Variants in GPC6 observed in about 807,000 individuals in gnomAD.
The protein encoded by GPC6 is glypican-6.
A neutral mutation model predicts 55.2 loss-of-function variants in GPC6; 14 were observed. That is an observed-to-expected ratio of 0.25 (90% CI 0.17 to 0.40). The LOEUF (loss-of-function observed/expected upper bound fraction) is 0.40. Among genes scored for constraint, GPC6 ranks in the 10% least tolerant of loss-of-function variants. The probability of loss-of-function intolerance (pLI) is 1.00; values close to 1 mark genes in which losing one functional copy is unlikely to be tolerated. For synonymous variants in GPC6, 278 were observed against 259.6 expected (o/e 1.07, Z -0.68); for missense variants, 641 against 708.5 (o/e 0.90, Z 1.08).
intron 1 of GPC6, among the ~76,000 whole-genome samples, chr13:93,398,172 C>T (rs1875932996): frequency 6.6e-6 from 1 of 152,140 alleles, no homozygotes; most frequent in South Asian, 2.1e-4. Flanking sequence ...AGAAAGATAG[C>T]ATATTAATAG....
intron 6 of GPC6, among the ~76,000 whole-genome samples, chr13:94,337,648 A>T (rs537105930): frequency 6.6e-6 from 1 of 152,148 alleles, no homozygotes; most frequent in African/African-American, 2.4e-5. Flanking sequence ...GTGTTTCATC[A>T]TGTTGGCCAG....
chr13:93,279,930 A>C (rs1266856159), intron 1 of GPC6, among the ~76,000 whole-genome samples: 1 of 152,210 alleles, frequency 6.6e-6, no homozygotes. Flanking sequence ...TGTAAATTTC[A>C]CAATAATAAA....
chr13:93,789,611 A>AC (rs1179251753), intron 2 of GPC6, among the ~76,000 whole-genome samples: 20 of 13,418 alleles, frequency 1.5e-3, no homozygotes, highest in African/African-American at 5.4e-3. Flanking sequence ...ATATATATAT[A>AC]TATATATATA....
intron 1 of GPC6, among the ~76,000 whole-genome samples, chr13:93,525,576 C>T (rs1381932471): frequency 1.3e-5 from 2 of 152,034 alleles, no homozygotes; most frequent in Non-Finnish European, 2.9e-5. Flanking sequence ...ACAGGATAGA[C>T]TCTTCTGAGC....
At chr13:93,698,485 CTTTTTTTTTTT>C (rs57058820) in intron 2 of GPC6, among the ~76,000 whole-genome samples, 1 of 32,434 alleles carries the variant, frequency 3.1e-5, no homozygotes, top group East Asian at 1.5e-3. Flanking sequence ...CTGTGTGGGT[CTTTTTTTTTTT>C]TTTTTTTTTT....
intron 4 of GPC6, among the ~76,000 whole-genome samples, chr13:94,278,999 T>C (rs1892293247): frequency 6.6e-6 from 1 of 152,178 alleles, no homozygotes; most frequent in East Asian, 1.9e-4. Flanking sequence ...TGGGGTAGTT[T>C]CAGAAAGAAT....
chr13:93,526,445 G>A (rs1881650159), intron 1 of GPC6, among the ~76,000 whole-genome samples: 1 of 152,056 alleles, frequency 6.6e-6, no homozygotes, highest in Admixed American at 6.6e-5. Flanking sequence ...GGCAAACTTA[G>A]TAATCCAGAT....
At chr13:93,367,579 T>A (rs551600738) in intron 1 of GPC6, among the ~76,000 whole-genome samples, 4 of 152,066 alleles carry the variant, frequency 2.6e-5, no homozygotes, top group Admixed American at 1.3e-4. Context: ...TGCATTTCCT[T>A]TCGGCAGTGT....
intron 3 of GPC6, among the ~76,000 whole-genome samples, chr13:93,873,265 A>G (rs1465784409): frequency 1.3e-5 from 2 of 151,980 alleles, no homozygotes; most frequent in African/African-American, 4.8e-5. Flanking sequence ...TAATTTACAA[A>G]ATACTGACAG....
chr13:93,511,008 C>T (rs375505809), intron 1 of GPC6, among the ~76,000 whole-genome samples: 13 of 17,194 alleles, frequency 7.6e-4, no homozygotes, highest in Non-Finnish European at 1.2e-3. Context: ...TATATATATT[C>T]ATGTCCTTTG....
At chr13:94,171,274 C>T (rs534971841) in intron 4 of GPC6, among the ~76,000 whole-genome samples, 11 of 152,292 alleles carry the variant, frequency 7.2e-5, no homozygotes, top group Admixed American at 1.3e-4. Context: ...CCCTTACACG[C>T]AAGACCATTG....
At chr13:93,419,617 C>T (rs1876849071) in intron 1 of GPC6, among the ~76,000 whole-genome samples, 1 of 152,096 alleles carries the variant, frequency 6.6e-6, no homozygotes, top group Non-Finnish European at 1.5e-5. Context: ...ACCGATAATA[C>T]AGCATCTCCA....
At chr13:94,053,797 A>G (rs1217891265) in intron 4 of GPC6, among the ~76,000 whole-genome samples, 1 of 152,202 alleles carries the variant, frequency 6.6e-6, no homozygotes, top group Non-Finnish European at 1.5e-5. Context: ...TAGTTTCCTA[A>G]GAGTTAAATT....
intron 1 of GPC6, among the ~76,000 whole-genome samples, chr13:93,314,704 CAAG>C (rs987537301): frequency 5.5e-5 from 8 of 145,206 alleles, no homozygotes; most frequent in African/African-American, 2.1e-4. Flanking sequence ...AGATAGAAAA[CAAG>C]GAGGGGTGTG....
intron 1 of GPC6, among the ~76,000 whole-genome samples, chr13:93,306,374 C>T (rs919369990): frequency 6.6e-6 from 1 of 152,022 alleles, no homozygotes; most frequent in Non-Finnish European, 1.5e-5. Flanking sequence ...TGTCTGTCAG[C>T]CAGCATATAA....
chr13:94,105,111 G>A (rs978118220), intron 4 of GPC6, among the ~76,000 whole-genome samples: 4 of 152,098 alleles, frequency 2.6e-5, no homozygotes, highest in Admixed American at 2.6e-4. Context: ...TCCCAGTACT[G>A]TGGGAGGCCG....
At chr13:93,945,622 G>T (rs1878970041) in intron 3 of GPC6, among the ~76,000 whole-genome samples, 1 of 152,224 alleles carries the variant, frequency 6.6e-6, no homozygotes, top group South Asian at 2.1e-4. Context: ...CATTGACCAA[G>T]TTCTGACTGT....
At chr13:93,337,041 T>C (rs572209205) in intron 1 of GPC6, among the ~76,000 whole-genome samples, 2 of 152,300 alleles carry the variant, frequency 1.3e-5, no homozygotes, top group East Asian at 3.9e-4. Flanking sequence ...TTGTGCAACA[T>C]CCAGTGTGGT....
At chr13:93,713,723 G>A (rs1883150602) in intron 2 of GPC6, among the ~76,000 whole-genome samples, 1 of 149,880 alleles carries the variant, frequency 6.7e-6, no homozygotes, top group Non-Finnish European at 1.5e-5. Flanking sequence ...TAAAAAAAAT[G>A]AGCTGTTTAA....
Sources: allele counts gnomAD v4.1 joint callset (sites outside exome capture counted in the v4.1 genomes callset), GRCh38; gene constraint gnomAD v4.1.1; transcripts MANE v1.5; gene names NCBI Gene and HGNC (gene_info 2026-07-23, HGNC 2026-07-21).